The following CTRB2 variants were observed in gnomAD, a reference collection of about 807,000 sequenced individuals.
CTRB2 encodes chymotrypsin B2.
A neutral mutation model predicts 19.3 loss-of-function variants in CTRB2; 9 were observed. That is an observed-to-expected ratio of 0.47 (90% CI 0.28 to 0.81). The LOEUF is 0.81. Ranked by LOEUF, CTRB2 falls within the 40% of genes least tolerant of loss-of-function variation. The pLI is 0.11. For synonymous variants in CTRB2, 98 were observed against 117.3 expected, an observed-to-expected ratio of 0.84 and a Z score of 1.06; for missense variants, 210 against 269.7, an observed-to-expected ratio of 0.78 and a Z score of 1.55.
rs2038892234 is a variant in CTRB2, at chr16:75,206,371, T to C, written c.53-178A>G. 3 of 652,098 alleles carry C rather than the reference T, an allele frequency of 4.6e-6. No individual in the cohort carries two copies. In the South Asian group the frequency reaches 6.0e-5, roughly 13 times the overall value. The allele number at this position is 652,098 out of a possible 1,614,324, so 40.4% of individuals were successfully genotyped here. ...CAGAGCTGGAATCCCCAGGTACAACTGAGTCCAATGAACTGGGCTGTGGGC... is the reference window on the plus strand; with the variant it reads ...CAGAGCTGGAATCCCCAGGTACAACCGAGTCCAATGAACTGGGCTGTGGGC... On this transcript the variant is annotated intron_variant, in intron 1 of 6. Coordinates refer to ENST00000303037, the MANE Select transcript of CTRB2 (RefSeq NM_001025200.4).
intron 1 of CTRB2, 176 bp from the exon 2 acceptor site, chr16:75,206,369 AC>A: frequency 3.0e-6 from 2 of 660,668 alleles, no homozygotes; most frequent in African/African-American, 3.6e-5. Context: ...CCCAGGTACA[AC>A]TGAGTCCAAT....
At position 75,207,067 on chromosome 16, in the gene CTRB2, C is replaced by T. The variant is rs1407750806; in HGVS notation, c.52+23G>A. On this transcript the variant is annotated intron_variant, in intron 1 of 6. Coordinates refer to ENST00000303037, the MANE Select transcript of CTRB2 (RefSeq NM_001025200.4). ...GGAGTGAGAGGAGAAAACCCTTCGGCCTCCGCAGGGCCTGGCACTCACCGA... is the reference window on the plus strand; with the variant it reads ...GGAGTGAGAGGAGAAAACCCTTCGGTCTCCGCAGGGCCTGGCACTCACCGA... 4.5e-6 allele frequency: 7 copies of T among 1,550,678 alleles called. No homozygotes were observed. In the East Asian group the frequency reaches 1.2e-4, roughly 27 times the overall value.
At position 75,204,305 on chromosome 16, in the gene CTRB2, G is replaced by A. The variant is rs1047024446; in HGVS notation, c.648C>T (p.Pro216=). The A allele has an allele frequency of 5.6e-6, 9 of 1,614,074 alleles. No homozygotes were observed. Among genetic ancestry groups the A allele is most frequent in the Middle Eastern group, 3.3e-4 (2 of 6,058 alleles). The part of the protein sequence containing the change: ...VSSCMGDSGG[P]LVCQKDGAWT... ...AGGCTCCGTCCTTCTGGCAGACCAG[G>A]GGGCCTCCAGAGTCACCCTGCAGGA... Residue 216 remains proline, a synonymous_variant, in exon 7 of 7, where the codon CCC becomes CCT. Transcript: ENST00000303037.
intron 1 of CTRB2, chr16:75,206,793 G>C: frequency 2.2e-6 from 1 of 458,450 alleles, no homozygotes; most frequent in South Asian, 2.0e-5. Flanking sequence ...AGGCCTCAGG[G>C]CAGCCCCCGG....
At chr16:75,204,449 G>A in intron 6 of CTRB2, 127 bp from the exon 7 acceptor site, 1 of 1,011,720 alleles carries the variant, frequency 9.9e-7, no homozygotes, top group Non-Finnish European at 1.4e-6. Flanking sequence ...CTGTGCCGGG[G>A]TCCTGAGATC....
At position 75,207,146 on chromosome 16, in the gene CTRB2, C is replaced by T; in HGVS notation, c.-5G>A. On this transcript the variant is annotated 5_prime_UTR_variant, in exon 1 of 7. Transcript: ENST00000303037. ...GAGGAGCCAGAGGAAAGCCATGGTG[C>T]CGCTGGCAGGGGTGTAGGACGCCTG... 6.4e-7 allele frequency: 1 copy of T among 1,557,174 alleles called. No individual in the cohort carries two copies. The highest frequency in any genetic ancestry group is 8.7e-7 in the Non-Finnish European group (1 of 1,149,428).
chr16:75,206,176 T>G lies in CTRB2; in HGVS notation c.70A>C (p.Ile24Leu). 6.4e-7 allele frequency: 1 copy of G among 1,555,842 alleles called. No homozygotes were observed. Among genetic ancestry groups the G allele is most frequent in the South Asian group, 1.2e-5 (1 of 84,796 alleles). Residue 24 changes from isoleucine (I) to leucine (L), a missense_variant, in exon 2 of 7, where the codon ATC (isoleucine) becomes CTC (leucine). Coordinates refer to ENST00000303037, the MANE Select transcript of CTRB2 (RefSeq NM_001025200.4). ...GTTFGCGVPA[I>L]HPVLSGLSRI... ...GACAGGCCGCTGAGCACAGGGTGGA[T>G]GGCGGGGACCCCGCAGCCTGGGGGC... is the stretch of plus-strand genomic sequence containing the variant.
intron 1 of CTRB2, 69 bp from the exon 2 acceptor site, chr16:75,206,262 C>T (rs2038890740): frequency 6.9e-7 from 1 of 1,458,276 alleles, no homozygotes; most frequent in South Asian, 1.3e-5. Context: ...CCTCCTCTCA[C>T]TCCCAACTCT....
intron 6 of CTRB2, 140 bp downstream of exon 6, chr16:75,204,633 C>A (rs113083607): frequency 2.7e-6 from 4 of 1,485,338 alleles, no homozygotes; most frequent in Non-Finnish European, 3.6e-6. Context: ...CCCTCATGGG[C>A]GGCTGTGACC....
rs780311547 is a variant in CTRB2, at chr16:75,207,042, G to A, written c.52+48C>T. The A allele has an allele frequency of 2.0e-6, 3 of 1,525,312 alleles. No individual in the cohort carries two copies. In the South Asian group the frequency reaches 3.6e-5, roughly 18 times the overall value. The allele number at this position is 1,525,312 out of a possible 1,614,324, so 94.5% of individuals were successfully genotyped here. A position where few individuals can be genotyped will look rare whatever the true frequency, so the allele number is the denominator to read the frequency against. ...CTGCCTCTTGCTGGCCTCGGGGCTGGGAGTGAGAGGAGAAAACCCTTCGGC... is the reference window on the plus strand; with the variant it reads ...CTGCCTCTTGCTGGCCTCGGGGCTGAGAGTGAGAGGAGAAAACCCTTCGGC... On this transcript the variant is annotated intron_variant, in intron 1 of 6. Coordinates refer to ENST00000303037, the MANE Select transcript of CTRB2 (RefSeq NM_001025200.4).
chr16:75,204,137 G>T lies in CTRB2; in HGVS notation c.*24C>A. On this transcript the variant is annotated 3_prime_UTR_variant, in exon 7 of 7. Transcript: ENST00000303037. ...GATGCATTTAATGGGAAATCTTAAGGCAGGGGTGGCAGGAGCTGCGGGCTC... is the reference window on the plus strand; with the variant it reads ...GATGCATTTAATGGGAAATCTTAAGTCAGGGGTGGCAGGAGCTGCGGGCTC... The T allele has an allele frequency of 6.2e-7, 1 of 1,614,046 alleles. No individual in the cohort carries two copies. The highest frequency in any genetic ancestry group is 1.1e-5 in the South Asian group (1 of 91,070).
rs1356671477 is a variant in CTRB2, at chr16:75,204,175, G to A, written c.778C>T (p.Leu260=). The change falls in exon 7 of 7, where the codon CTG becomes TTG. Residue 260 remains leucine (L), a synonymous_variant. Transcript: ENST00000303037. ...AKLIPWVQKI[L]AAN ...GAGCTGCGGGCTCAGTTGGCGGCCAGGATCTTCTGCACCCAGGGTATGAGC... is the reference window on the plus strand; with the variant it reads ...GAGCTGCGGGCTCAGTTGGCGGCCAAGATCTTCTGCACCCAGGGTATGAGC... 1.2e-6 allele frequency: 2 copies of A among 1,614,116 alleles called. No individual in the cohort carries two copies. The highest frequency in any genetic ancestry group is 1.7e-6 in the Non-Finnish European group (2 of 1,180,006).
In CTRB2 at chr16:75,204,287, G is replaced by A. The variant is rs1049293; in HGVS notation, c.666C>T (p.Asp222=). The A allele has an allele frequency of 1.8e-4, 284 of 1,614,088 alleles. 1 individual carries two copies. The highest frequency in any genetic ancestry group is 1.1e-3 in the Admixed American group (65 of 60,018). Residue 222 remains aspartate, a synonymous_variant, in exon 7 of 7, where the codon GAC becomes GAT. Coordinates refer to ENST00000303037, the MANE Select transcript of CTRB2 (RefSeq NM_001025200.4). ...CAATGCCCACCAGGGTCCAGGCTCC[G>A]TCCTTCTGGCAGACCAGGGGGCCTC... ...DSGGPLVCQK[D]GAWTLVGIVS... is the part of the protein sequence containing the mutation.
chr16:75,204,618 A>T, intron 6 of CTRB2, 155 bp downstream of exon 6: 1 of 1,427,896 alleles, frequency 7.0e-7, no homozygotes, highest in Non-Finnish European at 9.5e-7. Flanking sequence ...CATGGCCTGG[A>T]GGAACCCTCA....
At position 75,204,326 on chromosome 16, in the gene CTRB2, C is replaced by A. The variant is rs367685599; in HGVS notation, c.631-4G>T. 33 of 1,613,656 alleles carry A rather than the reference C, an allele frequency of 2.0e-5. No individual in the cohort carries two copies. In the African/African-American group the frequency reaches 3.2e-4, roughly 16 times the overall value. On this transcript the variant is annotated splice_region_variant and splice_polypyrimidine_tract_variant and intron_variant, in intron 6 of 6. Coordinates refer to ENST00000303037, the MANE Select transcript of CTRB2 (RefSeq NM_001025200.4). Reference sequence around the variant, plus strand: ...CCAGGGGGCCTCCAGAGTCACCCTGCAGGAAGGAGAGGAAGTATCTCTAGG... The same window carrying A: ...CCAGGGGGCCTCCAGAGTCACCCTGAAGGAAGGAGAGGAAGTATCTCTAGG...
In CTRB2 at chr16:75,205,738, G is replaced by A; in HGVS notation, c.315+4C>T. 1.6e-6 allele frequency: 1 copy of A among 632,310 alleles called. No homozygotes were observed. The highest frequency in any genetic ancestry group is 2.6e-6 in the Non-Finnish European group (1 of 378,168). The allele number at this position is 632,310 out of a possible 1,614,324, so 39.2% of individuals were successfully genotyped here. A position where few individuals can be genotyped will look rare whatever the true frequency, so the allele number is the denominator to read the frequency against. Reference sequence around the variant, plus strand: ...CTGCCCTCTGCTGCACGGGGCCTGGGTACCTTGGCGATCTTCAGGACCTGG... The same window carrying A: ...CTGCCCTCTGCTGCACGGGGCCTGGATACCTTGGCGATCTTCAGGACCTGG... On this transcript the variant is annotated splice_donor_region_variant and intron_variant, in intron 4 of 6. Transcript: ENST00000303037.
chr16:75,206,324 T>C (rs1010163530), intron 1 of CTRB2, 131 bp from the exon 2 acceptor site: 15 of 1,003,918 alleles, frequency 1.5e-5, no homozygotes, highest in Non-Finnish European at 1.7e-5. Context: ...CTCTGAGAAG[T>C]TGGCCCTGGC....
At chr16:75,204,445 C>CCAT in intron 6 of CTRB2, 123 bp from the exon 7 acceptor site, 1 of 1,041,016 alleles carries the variant, frequency 9.6e-7, no homozygotes, top group Non-Finnish European at 1.4e-6. Context: ...GGGGCTGTGC[C>CCAT]GGGGTCCTGA....
Position 75,204,323 on chromosome 16 carries a change from C to T in CTRB2, c.631-1G>A, listed in dbSNP as rs1333324578. On this transcript the variant is annotated splice_acceptor_variant, in intron 6 of 6. Coordinates refer to ENST00000303037, the MANE Select transcript of CTRB2 (RefSeq NM_001025200.4). LOFTEE classifies it high-confidence loss of function. Reference sequence around the variant, plus strand: ...AGACCAGGGGGCCTCCAGAGTCACCCTGCAGGAAGGAGAGGAAGTATCTCT... The same window carrying T: ...AGACCAGGGGGCCTCCAGAGTCACCTTGCAGGAAGGAGAGGAAGTATCTCT... The T allele has an allele frequency of 5.0e-6, 8 of 1,613,858 alleles. No individual in the cohort carries two copies. The highest frequency in any genetic ancestry group is 5.9e-6 in the Non-Finnish European group (7 of 1,179,940).
Sources: allele counts gnomAD v4.1 joint callset, GRCh38; gene constraint gnomAD v4.1.1; transcripts MANE v1.5; gene names NCBI Gene and HGNC (gene_info 2026-07-23, HGNC 2026-07-21).